KCNIP4: variants seen among roughly 807,000 people sequenced by gnomAD.
The protein encoded by KCNIP4 is potassium voltage-gated channel interacting protein 4.
In KCNIP4, 12 loss-of-function variants were observed where a neutral mutation model predicts 34.0. That is an observed-to-expected ratio of 0.35 (90% CI 0.23 to 0.57). The LOEUF is 0.57. Among genes scored for constraint, KCNIP4 ranks in the 20% least tolerant of loss-of-function variants. The pLI is 0.83. For missense variants in KCNIP4, 238 were observed against 311.7 expected, an observed-to-expected ratio of 0.76 and a Z score of 1.78; for synonymous variants, 124 against 102.2, an observed-to-expected ratio of 1.21 and a Z score of -1.29.
chr4:21,138,780 G>A (rs914122730), intron 1 of KCNIP4, among the ~76,000 whole-genome samples: 17 of 152,114 alleles, frequency 1.1e-4, no homozygotes, highest in African/African-American at 3.9e-4. Flanking sequence ...GAGTGTCAGG[G>A]CAATGCAGTA....
intron 1 of KCNIP4, among the ~76,000 whole-genome samples, chr4:21,427,071 G>A (rs1227687383): frequency 6.6e-6 from 1 of 151,820 alleles, no homozygotes; most frequent in South Asian, 2.1e-4. Flanking sequence ...AATTTGGGTT[G>A]GAATTTTCAA....
intron 1 of KCNIP4, among the ~76,000 whole-genome samples, chr4:21,269,612 C>T (rs1226038105): frequency 6.6e-6 from 1 of 152,116 alleles, no homozygotes; most frequent in Non-Finnish European, 1.5e-5. Context: ...CCAGGCTGAT[C>T]TCCAACTCCT....
In KCNIP4 at chr4:21,751,009, G is replaced by A. The variant is rs147808273; in HGVS notation, c.61+197562C>T. 3.3e-3 allele frequency among the ~76,000 whole-genome samples: 505 copies of A among 152,250 alleles called. 2 individuals carry two copies. Among genetic ancestry groups the A allele is most frequent in the African/African-American group, 9.9e-3 (412 of 41,548 alleles). ...GAAGTAGGGGGTCCTACTGTAGGACGTAGGGGGTGTCTTGATTATTTAGGC... is the reference window on the plus strand; with the variant it reads ...GAAGTAGGGGGTCCTACTGTAGGACATAGGGGGTGTCTTGATTATTTAGGC... On this transcript the variant is annotated intron_variant, in intron 1 of 8. Transcript: ENST00000382152.
At chr4:21,407,039 C>T (rs1416758569) in intron 1 of KCNIP4, among the ~76,000 whole-genome samples, 1 of 152,126 alleles carries the variant, frequency 6.6e-6, no homozygotes, top group East Asian at 1.9e-4. Context: ...AGAAAAGATA[C>T]ATTCAAAGTT....
chr4:21,115,279 G>GT (rs1456852449), intron 1 of KCNIP4, among the ~76,000 whole-genome samples: 2 of 152,162 alleles, frequency 1.3e-5, no homozygotes, highest in Non-Finnish European at 2.9e-5. Context: ...GCTATAGATA[G>GT]TAGTTGGTGT....
At chr4:21,046,138 T>G (rs949987456) in intron 1 of KCNIP4, among the ~76,000 whole-genome samples, 1 of 152,256 alleles carries the variant, frequency 6.6e-6, no homozygotes, top group African/African-American at 2.4e-5. Context: ...TTATTTTGAA[T>G]GTGATGCAAA....
intron 1 of KCNIP4, among the ~76,000 whole-genome samples, chr4:21,335,380 T>C (rs1407610361): frequency 1.3e-5 from 2 of 152,128 alleles, no homozygotes; most frequent in Non-Finnish European, 2.9e-5. Context: ...TTATCTCCCT[T>C]GCCCCTGAAA....
rs556503502 is a variant in KCNIP4 at position 20,826,480 on chromosome 4, G to C, written c.288+24063C>G. Reference sequence around the variant, plus strand: ...CACACCTGTAGTCCTAGCTACTCGGGAGGTTGAGGTGGGAGGATGCTTGTG... The same window carrying C: ...CACACCTGTAGTCCTAGCTACTCGGCAGGTTGAGGTGGGAGGATGCTTGTG... On this transcript the variant is annotated intron_variant, in intron 3 of 8. Transcript: ENST00000382152. Among the ~76,000 whole-genome samples, 520 of 151,996 alleles carry C rather than the reference G, an allele frequency of 3.4e-3. 6 individuals are homozygous for C. The highest frequency in any genetic ancestry group is 0.012 in the African/African-American group (485 of 41,426).
intron 3 of KCNIP4, among the ~76,000 whole-genome samples, chr4:20,848,966 G>T (rs1180016344): frequency 6.6e-6 from 1 of 152,088 alleles, no homozygotes; most frequent in Non-Finnish European, 1.5e-5. Flanking sequence ...TTCTGTCCTT[G>T]CTGCTCAGTG....
At chr4:21,782,032 A>C (rs1200763690) in intron 1 of KCNIP4, among the ~76,000 whole-genome samples, 1 of 117,216 alleles carries the variant, frequency 8.5e-6, no homozygotes, top group Non-Finnish European at 2.0e-5. Context: ...GAAAAAATAA[A>C]GAAATGAAAA....
At chr4:21,712,238 T>C (rs532179347) in intron 1 of KCNIP4, among the ~76,000 whole-genome samples, 1 of 152,324 alleles carries the variant, frequency 6.6e-6, no homozygotes, top group Non-Finnish European at 1.5e-5. Flanking sequence ...ATGATAACTT[T>C]ATATTGGGTC....
At chr4:21,538,656 A>C (rs764491274) in intron 1 of KCNIP4, among the ~76,000 whole-genome samples, 50 of 152,174 alleles carry the variant, frequency 3.3e-4, no homozygotes, top group Non-Finnish European at 3.8e-4. Context: ...GTGATATAAT[A>C]AAATGGCACG....
At chr4:20,758,768 C>G in intron 4 of KCNIP4, 53 bp downstream of exon 4, 2 of 1,399,090 alleles carry the variant, frequency 1.4e-6, no homozygotes, top group Non-Finnish European at 2.0e-6. Context: ...CTCAACACTG[C>G]AAGCATAATT....
At chr4:21,743,405 CTT>C (rs33910770) in intron 1 of KCNIP4, among the ~76,000 whole-genome samples, 398 of 144,612 alleles carry the variant, frequency 2.8e-3, no homozygotes, top group East Asian at 4.3e-3. Flanking sequence ...ACTTTTGTCT[CTT>C]TTTTTTTTTT....
chr4:21,755,416 T>C (rs1717439864), intron 1 of KCNIP4, among the ~76,000 whole-genome samples: 1 of 152,244 alleles, frequency 6.6e-6, no homozygotes, highest in Admixed American at 6.5e-5. Context: ...GTTTCAGTTA[T>C]GCATCTATTA....
Position 21,884,200 on chromosome 4 carries a change from T to G in KCNIP4, c.61+64371A>C, listed in dbSNP as rs184437361. ...TTTGTTTCAAAGTATAAGTACTTCCTATTTGCTGGCGGCATAATGGCCAGT... is the reference window on the plus strand; with the variant it reads ...TTTGTTTCAAAGTATAAGTACTTCCGATTTGCTGGCGGCATAATGGCCAGT... On this transcript the variant is annotated intron_variant, in intron 1 of 8. Transcript: ENST00000382152. 3.1e-3 allele frequency among the ~76,000 whole-genome samples: 476 copies of G among 152,256 alleles called. 5 individuals carry two copies. The highest frequency in any genetic ancestry group is 3.1e-3 in the Non-Finnish European group (210 of 68,010).
chr4:21,321,557 G>A (rs1264888299), intron 1 of KCNIP4, among the ~76,000 whole-genome samples: 2 of 151,910 alleles, frequency 1.3e-5, no homozygotes, highest in African/African-American at 4.8e-5. Context: ...GATTAAGTGG[G>A]TAGCAATACA....
chr4:21,005,146 A>G (rs558764587), intron 1 of KCNIP4, among the ~76,000 whole-genome samples: 4 of 152,306 alleles, frequency 2.6e-5, no homozygotes, highest in Non-Finnish European at 4.4e-5. Context: ...GTAAAAACAA[A>G]CAAACAAACA....
chr4:21,181,406 C>T (rs574707388), intron 1 of KCNIP4, among the ~76,000 whole-genome samples: 118 of 152,220 alleles, frequency 7.8e-4, no homozygotes, highest in Admixed American at 1.8e-3. Context: ...CTCTTGATCA[C>T]ATTACCTTAC....
Sources: gnomAD v4.1 joint callset for allele counts (sites outside exome capture counted in the v4.1 genomes callset) on GRCh38, gnomAD v4.1.1 for gene constraint, MANE v1.5 for transcripts, NCBI Gene and HGNC (gene_info 2026-07-23, HGNC 2026-07-21) for gene names.